Variants in ITGBL1 observed in about 807,000 individuals in gnomAD.
ITGBL1 encodes the protein integrin subunit beta like 1, also known as integrin beta-like protein 1.
A neutral mutation model predicts 68.5 loss-of-function variants in ITGBL1; 51 were observed. That is an observed-to-expected ratio of 0.74 (90% CI 0.59 to 0.94). The LOEUF is 0.94. ITGBL1 is among the 40% of genes least tolerant of loss of function. ITGBL1 has a pLI of 0.00. For synonymous variants in ITGBL1, 209 were observed against 227.3 expected (o/e 0.92, Z 0.72); for missense variants, 649 against 647.4 (o/e 1.00, Z -0.03).
intron 7 of ITGBL1, among the ~76,000 whole-genome samples, chr13:101,656,353 T>C (rs567722308): frequency 3.9e-5 from 6 of 152,170 alleles, no homozygotes; most frequent in African/African-American, 1.4e-4. Context: ...GATGCAGTTT[T>C]CCCCCCACAA....
chr13:101,534,452 C>A (rs951562078), intron 2 of ITGBL1, among the ~76,000 whole-genome samples: 2 of 151,976 alleles, frequency 1.3e-5, no homozygotes, highest in Non-Finnish European at 1.5e-5. Context: ...GGATCCAAAT[C>A]CAGGAGGAAA....
intron 2 of ITGBL1, among the ~76,000 whole-genome samples, chr13:101,502,979 C>T (rs2048968031): frequency 6.6e-6 from 1 of 152,158 alleles, no homozygotes; most frequent in Admixed American, 6.6e-5. Context: ...CCCTCTAATT[C>T]AAACGCAGTG....
chr13:101,549,051 G>T (rs905774518), intron 2 of ITGBL1, among the ~76,000 whole-genome samples: 5 of 151,830 alleles, frequency 3.3e-5, no homozygotes, highest in African/African-American at 1.2e-4. Context: ...CGCATAAATT[G>T]AGATCAGCAG....
chr13:101,715,787 C>T lies in ITGBL1; in HGVS notation c.*133C>T, dbSNP rs1021335193. On this transcript the variant is annotated 3_prime_UTR_variant, in exon 11 of 11. Coordinates refer to ENST00000376180, the MANE Select transcript of ITGBL1 (RefSeq NM_004791.3). Reference sequence around the variant, plus strand: ...TGTATGTTTTTCTATTTCTGAATTACGAATGAAATCCGAGTACCTATTAGA... The same window carrying T: ...TGTATGTTTTTCTATTTCTGAATTATGAATGAAATCCGAGTACCTATTAGA... 6.8e-5 allele frequency: 38 copies of T among 557,764 alleles called. No homozygotes were observed. The highest frequency in any genetic ancestry group is 5.7e-4 in the Admixed American group (19 of 33,100). 34.6% of individuals were successfully genotyped at this position (557,764 alleles called of 1,614,324 possible).
chr13:101,600,910 G>C (rs2030332506), intron 7 of ITGBL1, among the ~76,000 whole-genome samples: 1 of 151,930 alleles, frequency 6.6e-6, no homozygotes, highest in Admixed American at 6.6e-5. Context: ...TTTTTTTGTT[G>C]TGTCTCTGCC....
intron 2 of ITGBL1, among the ~76,000 whole-genome samples, chr13:101,477,793 A>G (rs982886880): frequency 6.6e-6 from 1 of 152,116 alleles, no homozygotes; most frequent in African/African-American, 2.4e-5. Context: ...CAAAACCTAA[A>G]TAGTCCAATA....
chr13:101,603,559 A>G (rs2030519180), intron 7 of ITGBL1, among the ~76,000 whole-genome samples: 1 of 151,960 alleles, frequency 6.6e-6, no homozygotes, highest in South Asian at 2.1e-4. Context: ...CAGACTGCTT[A>G]GTTACCAACA....
chr13:101,564,402 C>T (rs2050148406), intron 2 of ITGBL1, among the ~76,000 whole-genome samples: 1 of 151,748 alleles, frequency 6.6e-6, no homozygotes, highest in African/African-American at 2.4e-5. Context: ...TCAAAAGATA[C>T]TGTTAATAGA....
At chr13:101,699,028 A>C (rs3783228) in intron 8 of ITGBL1, among the ~76,000 whole-genome samples, 19 of 152,108 alleles carry the variant, frequency 1.2e-4, no homozygotes, top group Admixed American at 1.2e-3. Context: ...GAAGGAGATC[A>C]TGCCGCCTGA....
At chr13:101,647,035 A>T (rs1469851) in intron 7 of ITGBL1, among the ~76,000 whole-genome samples, 124,364 of 152,118 alleles carry the variant, frequency 0.82, 50,994 homozygotes, top group African/African-American at 0.88. Flanking sequence ...TCTTGTTTTC[A>T]TCTCTTTTTT....
At chr13:101,480,459 G>T (rs1404097419) in intron 2 of ITGBL1, among the ~76,000 whole-genome samples, 1 of 151,940 alleles carries the variant, frequency 6.6e-6, no homozygotes, top group East Asian at 1.9e-4. Flanking sequence ...AATACTAGAT[G>T]AATGTAGGGT....
intron 2 of ITGBL1, among the ~76,000 whole-genome samples, chr13:101,548,521 A>G (rs1181784591): frequency 6.6e-6 from 1 of 151,866 alleles, no homozygotes; most frequent in Non-Finnish European, 1.5e-5. Context: ...AAAAGAATGC[A>G]TATCATAGTC....
rs1594829348 is a variant in ITGBL1 at position 101,471,192 on chromosome 13, CTA to C, written c.316+17096_316+17097del. 5.3e-5 allele frequency among the ~76,000 whole-genome samples: 8 copies of C among 152,140 alleles called. No homozygotes were observed. In the South Asian group the frequency reaches 1.7e-3, roughly 32 times the overall value. On this transcript the variant is annotated intron_variant, in intron 2 of 10. Coordinates refer to ENST00000376180, the MANE Select transcript of ITGBL1 (RefSeq NM_004791.3). ...TGCTGAGGAGATTGAAGGAGAAAGA[CTA>C]TATGGGTTCCAAAACTGGCTCGATT...
intron 2 of ITGBL1, among the ~76,000 whole-genome samples, chr13:101,461,431 C>A (rs991730443): frequency 1.3e-5 from 2 of 152,052 alleles, no homozygotes; most frequent in Non-Finnish European, 2.9e-5. Flanking sequence ...TGGCTCACAT[C>A]GCCTGTAATC....
intron 2 of ITGBL1, among the ~76,000 whole-genome samples, chr13:101,555,360 T>G (rs2049987522): frequency 6.6e-6 from 1 of 152,190 alleles, no homozygotes; most frequent in Non-Finnish European, 1.5e-5. Flanking sequence ...AGGATATGTA[T>G]TAATTCTAGT....
chr13:101,610,874 T>C (rs2031095354), intron 7 of ITGBL1, among the ~76,000 whole-genome samples: 1 of 152,156 alleles, frequency 6.6e-6, no homozygotes, highest in Non-Finnish European at 1.5e-5. Context: ...CAAATATGGC[T>C]TCATGAAATG....
At chr13:101,539,679 G>C (rs2049652818) in intron 2 of ITGBL1, among the ~76,000 whole-genome samples, 1 of 151,516 alleles carries the variant, frequency 6.6e-6, no homozygotes, top group Admixed American at 6.6e-5. Flanking sequence ...CAGTGTAAAA[G>C]TGTTCCTATT....
intron 8 of ITGBL1, among the ~76,000 whole-genome samples, chr13:101,704,043 G>A (rs2034196804): frequency 6.6e-6 from 1 of 152,070 alleles, no homozygotes; most frequent in Non-Finnish European, 1.5e-5. Context: ...CCACAAGTGT[G>A]TTGACTCAGA....
intron 2 of ITGBL1, among the ~76,000 whole-genome samples, chr13:101,465,059 T>C (rs189716185): frequency 4.9e-4 from 75 of 152,350 alleles, no homozygotes; most frequent in African/African-American, 1.7e-3. Flanking sequence ...TGGATTCTTT[T>C]TTCACTATGG....
Sources: allele counts gnomAD v4.1 joint callset (sites outside exome capture counted in the v4.1 genomes callset), GRCh38; gene constraint gnomAD v4.1.1; transcripts MANE v1.5; gene names NCBI Gene and HGNC (gene_info 2026-07-23, HGNC 2026-07-21).